The following PIBF1 variants were observed in gnomAD, a reference collection of about 807,000 sequenced individuals.
PIBF1 encodes the protein progesterone immunomodulatory binding factor 1, also known as progesterone-induced-blocking factor 1.
Under a neutral mutation model 112.5 loss-of-function variants are expected in PIBF1, and 90 were observed. The observed-to-expected ratio is 0.80, with a 90% CI of 0.67 to 0.95. The LOEUF (loss-of-function observed/expected upper bound fraction) is 0.95, where lower values mean the gene tolerates loss of function less well. Among genes scored for constraint, PIBF1 ranks in the 40% least tolerant of loss-of-function variants. The pLI is 0.00. For missense variants in PIBF1, 915 were observed against 852.3 expected (o/e 1.07, Z -0.92); for synonymous variants, 301 against 288.6 (o/e 1.04, Z -0.44).
intron 2 of PIBF1, among the ~76,000 whole-genome samples, chr13:72,791,972 A>G (rs1272798573): frequency 2.6e-5 from 4 of 151,448 alleles, no homozygotes; most frequent in Non-Finnish European, 5.9e-5. Flanking sequence ...AAGGTAAGAT[A>G]GAGGAATATA....
chr13:72,987,532 A>G (rs2043329332), intron 16 of PIBF1, among the ~76,000 whole-genome samples: 1 of 152,090 alleles, frequency 6.6e-6, no homozygotes, highest in East Asian at 1.9e-4. Flanking sequence ...AGGCATCTGC[A>G]TTATTGTATA....
chr13:72,887,218 G>T (rs1256306694), intron 10 of PIBF1, among the ~76,000 whole-genome samples: 1 of 151,642 alleles, frequency 6.6e-6, no homozygotes, highest in Non-Finnish European at 1.5e-5. Flanking sequence ...AAAACAGTTG[G>T]TAGAACAATA....
At chr13:72,821,705 A>G in intron 5 of PIBF1, 144 bp from the exon 6 acceptor site, 1 of 541,944 alleles carries the variant, frequency 1.8e-6, no homozygotes, top group East Asian at 3.3e-5. Flanking sequence ...ATAGGGAAAA[A>G]TTACTAAATT....
chr13:72,782,578 A>G (rs1021332822), intron 1 of PIBF1, among the ~76,000 whole-genome samples: 1 of 152,056 alleles, frequency 6.6e-6, no homozygotes, highest in Admixed American at 6.5e-5. Context: ...CCCTCCACAC[A>G]CCTTTCCTTA....
rs184117883 is a variant in PIBF1 at position 72,907,431 on chromosome 13, A to G, written c.1489-1100A>G. On this transcript the variant is annotated intron_variant, in intron 11 of 17. Transcript: ENST00000326291. ...GAATTCAAGATAATTAAATTAGTGG[A>G]ACTCTATTTGCATGAACTATTTCAT... Among the ~76,000 whole-genome samples the G allele has an allele frequency of 7.0e-3, 1,072 of 152,186 alleles. 9 individuals are homozygous for G. The highest frequency in any genetic ancestry group is 0.01 in the Non-Finnish European group (693 of 67,948).
intron 13 of PIBF1, among the ~76,000 whole-genome samples, chr13:72,921,360 A>T (rs1437019655): frequency 6.6e-6 from 1 of 152,112 alleles, no homozygotes. Flanking sequence ...CAATCTGCCC[A>T]CCACGGCCTC....
chr13:73,015,927 G>C lies in PIBF1; in HGVS notation c.*8G>C, dbSNP rs370210893. 6.3e-7 allele frequency: 1 copy of C among 1,576,352 alleles called. No homozygotes were observed. The highest frequency in any genetic ancestry group is 8.6e-7 in the Non-Finnish European group (1 of 1,156,306). On this transcript the variant is annotated 3_prime_UTR_variant, in exon 18 of 18. Coordinates refer to ENST00000326291, the MANE Select transcript of PIBF1 (RefSeq NM_006346.4). The stretch of plus-strand genomic sequence containing the variant: ...CAAAAGATGAAGACCTAGTGTTTTG[G>C]ATGGGAAGCACCTGTAGACCATTAT...
intron 10 of PIBF1, among the ~76,000 whole-genome samples, chr13:72,869,522 C>T (rs564394683): frequency 2.6e-5 from 4 of 151,096 alleles, no homozygotes; most frequent in South Asian, 2.1e-4. Flanking sequence ...TGCTAAATGA[C>T]GAGTTAATGG....
At chr13:72,878,776 G>A (rs187371852) in intron 10 of PIBF1, among the ~76,000 whole-genome samples, 17 of 152,120 alleles carry the variant, frequency 1.1e-4, no homozygotes, top group East Asian at 5.8e-4. Flanking sequence ...CAGTTCTATC[G>A]TGTATTTTGA....
intron 14 of PIBF1, 117 bp from the exon 15 acceptor site, chr13:72,965,157 T>C: frequency 1.1e-6 from 1 of 886,828 alleles, no homozygotes; most frequent in East Asian, 2.6e-5. Flanking sequence ...CAGGAAAAGC[T>C]TTTCAGAATA....
At chr13:72,881,045 C>T (rs2039606815) in intron 10 of PIBF1, 1 of 151,122 alleles carries the variant, frequency 6.6e-6, no homozygotes, top group Non-Finnish European at 1.5e-5. Flanking sequence ...AAAGGGCAGT[C>T]AAATTGTTAA....
Position 72,797,960 on chromosome 13 carries a change from A to G in PIBF1, c.606A>G (p.Gln202=). 6.2e-7 allele frequency: 1 copy of G among 1,610,594 alleles called. No homozygotes were observed. ...NPLRKEICEL[Q]VKKNILAEEL... is the part of the protein sequence containing the mutation. ...TAAGAAAGGAAATCTGTGAACTACAAGTGAAAAAGAATATCCTAGCAGAAG... is the reference window on the plus strand; with the variant it reads ...TAAGAAAGGAAATCTGTGAACTACAGGTGAAAAAGAATATCCTAGCAGAAG... Residue 202 remains glutamine (Q), a synonymous_variant, in exon 5 of 18, where the codon CAA becomes CAG. Transcript: ENST00000326291.
chr13:72,857,926 T>G (rs1483025922), intron 10 of PIBF1, among the ~76,000 whole-genome samples: 1 of 152,160 alleles, frequency 6.6e-6, no homozygotes, highest in Non-Finnish European at 1.5e-5. Flanking sequence ...TGCGTGGGTA[T>G]GGAAAAACAG....
At position 72,931,255 on chromosome 13, in the gene PIBF1, G is replaced by A. The variant is rs762558060; in HGVS notation, c.1821G>A (p.Gln607=). The change falls in exon 14 of 18, where the codon CAG becomes CAA. Residue 607 remains glutamine (Q), a synonymous_variant. Transcript: ENST00000326291. Reference sequence around the variant, plus strand: ...AACATCGAAAGGACCAAGTAACACAGCTTTCACAAGAGGTAAATAACTTAA... The same window carrying A: ...AACATCGAAAGGACCAAGTAACACAACTTTCACAAGAGGTAAATAACTTAA... The part of the protein sequence containing the change: ...DLEHRKDQVT[Q]LSQELDRANS... 2.5e-6 allele frequency: 4 copies of A among 1,601,538 alleles called. No homozygotes were observed. Among genetic ancestry groups the A allele is most frequent in the Non-Finnish European group, 3.4e-6 (4 of 1,170,334 alleles).
intron 2 of PIBF1, among the ~76,000 whole-genome samples, chr13:72,784,295 A>ACC: frequency 6.6e-6 from 1 of 150,736 alleles, no homozygotes; most frequent in Non-Finnish European, 1.5e-5. Flanking sequence ...AAAAAAAAAA[A>ACC]ATTAGCCAGC....
chr13:72,894,695 A>G (rs552956338), intron 11 of PIBF1, among the ~76,000 whole-genome samples: 3 of 149,664 alleles, frequency 2.0e-5, no homozygotes, highest in African/African-American at 4.9e-5. Context: ...CTCATACCGT[A>G]TAGCAAAATT....
At chr13:72,826,929 A>G in intron 6 of PIBF1, 81 bp from the exon 7 acceptor site, 2 of 690,028 alleles carry the variant, frequency 2.9e-6, no homozygotes, top group Non-Finnish European at 4.7e-6. Flanking sequence ...CAGCGTCCTA[A>G]TACATAGTCA....
intron 10 of PIBF1, among the ~76,000 whole-genome samples, chr13:72,863,035 T>TTCTGTTTGAC (rs568526355): frequency 7.3e-4 from 111 of 152,290 alleles, no homozygotes; most frequent in African/African-American, 2.4e-3. Context: ...TTTGTACATA[T>TTCTGTTTGAC]ATAATGTTCT....
At chr13:72,825,608 G>A (rs558548613) in intron 6 of PIBF1, among the ~76,000 whole-genome samples, 1 of 152,310 alleles carries the variant, frequency 6.6e-6, no homozygotes, top group South Asian at 2.1e-4. Context: ...TATTCAGGTT[G>A]TGGGGGTGGG....
Sources: allele counts gnomAD v4.1 joint callset (sites outside exome capture counted in the v4.1 genomes callset), GRCh38; gene constraint gnomAD v4.1.1; transcripts MANE v1.5; gene names NCBI Gene and HGNC (gene_info 2026-07-23, HGNC 2026-07-21).